The following ARFGEF3 variants were observed in gnomAD, a reference collection of about 807,000 sequenced individuals.
ARFGEF3 encodes ARFGEF family member 3, also known as brefeldin A-inhibited guanine nucleotide-exchange protein 3.
A neutral mutation model predicts 221.7 loss-of-function variants in ARFGEF3; 96 were observed. The ratio of observed to expected loss-of-function variants is 0.43; its 90% CI spans 0.37 to 0.51. The LOEUF (loss-of-function observed/expected upper bound fraction) is 0.51. ARFGEF3 is among the 20% of genes least tolerant of loss of function. The probability of loss-of-function intolerance (pLI) is 0.00; values close to 1 mark genes in which losing one functional copy is unlikely to be tolerated. For synonymous variants in ARFGEF3, 1,145 were observed against 1,126.8 expected (o/e 1.02, Z -0.32); for missense variants, 2,410 against 2,789.9 (o/e 0.86, Z 3.07).
chr6:138,252,363 G>A (rs1778597390), intron 8 of ARFGEF3, among the ~76,000 whole-genome samples: 1 of 152,160 alleles, frequency 6.6e-6, no homozygotes, highest in Non-Finnish European at 1.5e-5. Flanking sequence ...TTGACAAAGG[G>A]CTTTAGAGCA....
At chr6:138,286,667 T>A in intron 15 of ARFGEF3, 34 bp from the exon 16 acceptor site, 1 of 1,597,750 alleles carries the variant, frequency 6.3e-7, no homozygotes, top group Non-Finnish European at 8.6e-7. Flanking sequence ...TGTTTTTGTC[T>A]CTAGAAAATG....
chr6:138,180,591 A>G (rs1275697654), intron 2 of ARFGEF3, among the ~76,000 whole-genome samples: 2 of 150,818 alleles, frequency 1.3e-5, no homozygotes, highest in Non-Finnish European at 3.0e-5. Context: ...TGGTTACCAT[A>G]AAAAAAAAGG....
chr6:138,326,849 T>G (rs1027231129), intron 31 of ARFGEF3, among the ~76,000 whole-genome samples: 1 of 152,092 alleles, frequency 6.6e-6, no homozygotes. Context: ...AACAAATACA[T>G]GGAATCAACC....
At chr6:138,253,761 C>A in intron 8 of ARFGEF3, 119 bp from the exon 9 acceptor site, 1 of 765,316 alleles carries the variant, frequency 1.3e-6, no homozygotes, top group Non-Finnish European at 2.2e-6. Flanking sequence ...CACTAACCGT[C>A]CCCCTAAAAC....
intron 2 of ARFGEF3, among the ~76,000 whole-genome samples, chr6:138,191,246 C>T (rs1480844251): frequency 3.9e-5 from 6 of 152,080 alleles, no homozygotes; most frequent in Non-Finnish European, 7.4e-5. Context: ...TGACGTGGGA[C>T]AAGTTACTTA....
chr6:138,185,043 C>T (rs1777155318), intron 2 of ARFGEF3, among the ~76,000 whole-genome samples: 1 of 152,200 alleles, frequency 6.6e-6, no homozygotes, highest in Non-Finnish European at 1.5e-5. Context: ...TCCTTATCCT[C>T]AATGAACCTG....
At chr6:138,174,541 G>T (rs1776900366) in intron 2 of ARFGEF3, among the ~76,000 whole-genome samples, 1 of 143,130 alleles carries the variant, frequency 7.0e-6, no homozygotes, top group Admixed American at 7.1e-5. Flanking sequence ...TGCTCATTGA[G>T]GAGAATTTGG....
Position 138,238,596 on chromosome 6 carries a change from T to C in ARFGEF3, c.508T>C (p.Leu170=). Residue 170 remains leucine, a synonymous_variant, in exon 6 of 34, where the codon TTG becomes CTG. Coordinates refer to ENST00000251691, the MANE Select transcript of ARFGEF3 (RefSeq NM_020340.5). Reference sequence around the variant, plus strand: ...AACTCTCAGTCAAATGCTGAGTGACTTGACTTTACAGTTACGACAGAGGCA... The same window carrying C: ...AACTCTCAGTCAAATGCTGAGTGACCTGACTTTACAGTTACGACAGAGGCA... ...RATLSQMLSD[L]TLQLRQRQEN... The C allele has an allele frequency of 1.2e-6, 2 of 1,613,832 alleles. No homozygotes were observed. Among genetic ancestry groups the C allele is most frequent in the Non-Finnish European group, 1.7e-6 (2 of 1,179,768 alleles).
Position 138,323,704 on chromosome 6 carries a change from T to C in ARFGEF3, c.4800T>C (p.Thr1600=). 1 of 1,613,982 alleles carries C rather than the reference T, an allele frequency of 6.2e-7. No homozygotes were observed. The highest frequency in any genetic ancestry group is 8.5e-7 in the Non-Finnish European group (1 of 1,179,862). The change falls in exon 30 of 34, where the codon ACT becomes ACC. Residue 1600 remains threonine, a synonymous_variant. Transcript: ENST00000251691. The stretch of plus-strand genomic sequence containing the variant: ...TTGTGACAGCGGGCCCTGTGTTCAC[T>C]GAGGAGATGTGGAGGCTTGCCTGCT... The part of the protein sequence containing the change: ...YVLVTAGPVF[T]EEMWRLACCA...
In ARFGEF3 at chr6:138,336,495, T is replaced by C; in HGVS notation, c.*9T>C. ...ATGACATCATTGTGTAGCCGACTCC[T>C]GTTCTACTCTCCCACCAAATAACAG... On this transcript the variant is annotated 3_prime_UTR_variant, in exon 34 of 34. Transcript: ENST00000251691. The C allele has an allele frequency of 6.3e-7, 1 of 1,591,364 alleles. No individual in the cohort carries two copies. The highest frequency in any genetic ancestry group is 8.6e-7 in the Non-Finnish European group (1 of 1,168,492).
intron 10 of ARFGEF3, among the ~76,000 whole-genome samples, chr6:138,260,464 A>G (rs1460487933): frequency 6.6e-6 from 1 of 152,214 alleles, no homozygotes; most frequent in African/African-American, 2.4e-5. Flanking sequence ...CTTCTACCGT[A>G]TGTATATAAA....
At chr6:138,241,760 A>G (rs1718562569) in intron 6 of ARFGEF3, among the ~76,000 whole-genome samples, 2 of 152,226 alleles carry the variant, frequency 1.3e-5, no homozygotes, top group Non-Finnish European at 2.9e-5. Context: ...CAGGATGTGT[A>G]TCTTCAACCT....
chr6:138,286,719 A>G lies in ARFGEF3; in HGVS notation c.2588A>G (p.Tyr863Cys), dbSNP rs1234578030. ...STVAGVAFAR[Y>C]ILVGCWKNLI... ...GTTCCAGGCGTGGCATTTGCTCGCTATATTCTGGTGGGCTGCTGGAAGAAC... is the reference window on the plus strand; with the variant it reads ...GTTCCAGGCGTGGCATTTGCTCGCTGTATTCTGGTGGGCTGCTGGAAGAAC... The change falls in exon 16 of 34, where the codon TAT becomes TGT. Residue 863 changes from tyrosine (Y) to cysteine (C), a missense_variant. Physicochemically the swap from Tyr to Cys is radical, Grantham distance 194 (BLOSUM62 -2). Transcript: ENST00000251691. 3 of 1,614,022 alleles carry G rather than the reference A, an allele frequency of 1.9e-6. No individual in the cohort carries two copies. The highest frequency in any genetic ancestry group is 1.7e-6 in the Non-Finnish European group (2 of 1,179,898).
intron 2 of ARFGEF3, among the ~76,000 whole-genome samples, chr6:138,184,207 T>C (rs914426895): frequency 2.0e-5 from 3 of 152,218 alleles, no homozygotes; most frequent in African/African-American, 4.8e-5. Flanking sequence ...TTGATGTTAA[T>C]ATAAATGATA....
At chr6:138,249,907 G>A (rs895913400) in intron 8 of ARFGEF3, among the ~76,000 whole-genome samples, 1 of 152,198 alleles carries the variant, frequency 6.6e-6, no homozygotes, top group African/African-American at 2.4e-5. Flanking sequence ...TAGCATAGCT[G>A]TAAGGGAAGA....
chr6:138,307,371 A>G lies in ARFGEF3; in HGVS notation c.3947A>G (p.Glu1316Gly). 6.2e-7 allele frequency: 1 copy of G among 1,613,904 alleles called. No individual in the cohort carries two copies. The highest frequency in any genetic ancestry group is 8.5e-7 in the Non-Finnish European group (1 of 1,179,814). ...GGCGGGAACAAGTCAGAGATGAAGG[A>G]GTACCTGGTTGGTGACTACTCCATG... Reference protein sequence around the residue: ...VHGGNKSEMKEYLVGDYSMGK... With the variant: ...VHGGNKSEMKGYLVGDYSMGK... The change falls in exon 23 of 34, where the codon GAG (glutamate) becomes GGG (glycine). Residue 1316 changes from glutamate to glycine, a missense_variant. By Grantham distance (98) the Glu-to-Gly change is moderately conservative. Transcript: ENST00000251691.
chr6:138,291,985 C>A lies in ARFGEF3; in HGVS notation c.3300C>A (p.Arg1100=), dbSNP rs779542418. 1 of 1,534,956 alleles carries A rather than the reference C, an allele frequency of 6.5e-7. No individual in the cohort carries two copies. The highest frequency in any genetic ancestry group is 8.7e-7 in the Non-Finnish European group (1 of 1,144,682). ...EGSRGRASDF[R]GGSLMSGSSA... is the part of the protein sequence containing the mutation. ...GCCGGGGTCGGGCCTCCGACTTCCG[C>A]GGCGGGAGCCTCATGAGCGGGAGCA... The change falls in exon 19 of 34, where the codon CGC becomes CGA. Residue 1100 remains arginine (R), a synonymous_variant. Transcript: ENST00000251691. This position sits in a 1 kb window ranked among gnomAD's most constrained non-coding sequence, Gnocchi z 4.5.
chr6:138,328,738 C>T (rs1207199385), intron 32 of ARFGEF3, among the ~76,000 whole-genome samples: 7 of 152,116 alleles, frequency 4.6e-5, no homozygotes, highest in Admixed American at 3.9e-4. Flanking sequence ...CATGGTTGTT[C>T]ACAACTGTAA....
chr6:138,236,557 C>T (rs1055031634), intron 5 of ARFGEF3, among the ~76,000 whole-genome samples: 5 of 152,176 alleles, frequency 3.3e-5, no homozygotes, highest in African/African-American at 1.2e-4. Flanking sequence ...TCCTTGTAGC[C>T]TCTACCTTCC....
Sources: allele counts gnomAD v4.1 joint callset (sites outside exome capture counted in the v4.1 genomes callset), GRCh38; gene constraint gnomAD v4.1.1; non-coding constraint Gnocchi (gnomAD v3.1); transcripts MANE v1.5; gene names NCBI Gene and HGNC (gene_info 2026-07-23, HGNC 2026-07-21).